The following RAD18 variants were observed in gnomAD, a reference collection of about 807,000 sequenced individuals.
RAD18 encodes the protein E3 ubiquitin-protein ligase RAD18.
RAD18 carries 47 observed loss-of-function variants against 60.4 expected under a neutral mutation model. The observed-to-expected ratio is 0.78, with a 90% CI of 0.62 to 0.99. The LOEUF is 0.99. Among genes scored for constraint, RAD18 ranks in the 50% least tolerant of loss-of-function variants. The pLI is 0.00. For missense variants in RAD18, 640 were observed against 593.3 expected (o/e 1.08, Z -0.82); for synonymous variants, 225 against 195.5 (o/e 1.15, Z -1.26).
intron 7 of RAD18, among the ~76,000 whole-genome samples, chr3:8,928,022 C>T (rs1940474797): frequency 6.9e-6 from 1 of 145,640 alleles, no homozygotes; most frequent in African/African-American, 2.6e-5. Context: ...AACAAACCTG[C>T]ACGTTGTGCA....
At chr3:8,884,616 A>G (rs1005461132) in intron 12 of RAD18, among the ~76,000 whole-genome samples, 1 of 93,642 alleles carries the variant, frequency 1.1e-5, no homozygotes, top group Non-Finnish European at 2.7e-5. Flanking sequence ...ATCCTTTAAC[A>G]ATTTTCAGTA....
At chr3:8,941,826 C>A (rs766755433) in intron 4 of RAD18, 22 bp from the exon 5 acceptor site, 1 of 1,567,426 alleles carries the variant, frequency 6.4e-7, no homozygotes, top group Admixed American at 1.8e-5. Flanking sequence ...AAGAACACAA[C>A]AGACAATTAA....
intron 4 of RAD18, among the ~76,000 whole-genome samples, chr3:8,942,029 G>A (rs1322910349): frequency 6.6e-6 from 1 of 152,060 alleles, no homozygotes; most frequent in South Asian, 2.1e-4. Flanking sequence ...TCAGCTTTAG[G>A]CCACAGAGAA....
chr3:8,936,699 A>C (rs543168106), intron 6 of RAD18, among the ~76,000 whole-genome samples: 1 of 152,342 alleles, frequency 6.6e-6, no homozygotes, highest in South Asian at 2.1e-4. Flanking sequence ...TCCAAAAAAC[A>C]AGTTTTTACA....
chr3:8,925,722 T>C (rs1940421240), intron 7 of RAD18, among the ~76,000 whole-genome samples: 1 of 152,168 alleles, frequency 6.6e-6, no homozygotes, highest in African/African-American at 2.4e-5. Context: ...CATGATCAAG[T>C]GGGCTTCATC....
At chr3:8,946,161 G>A (rs1940836286) in intron 4 of RAD18, among the ~76,000 whole-genome samples, 1 of 152,106 alleles carries the variant, frequency 6.6e-6, no homozygotes, top group Non-Finnish European at 1.5e-5. Flanking sequence ...CTATAAAGAT[G>A]TACCATTTTT....
rs189587907 is a variant in RAD18, at chr3:8,925,238, G to A, written c.889+10633C>T. Among the ~76,000 whole-genome samples the A allele has an allele frequency of 9.9e-5, 15 of 152,058 alleles. No individual in the cohort carries two copies. The East Asian group carries it at 1.5e-3, about 16-fold the overall frequency. On this transcript the variant is annotated intron_variant, in intron 7 of 12. Transcript: ENST00000264926. The stretch of plus-strand genomic sequence containing the variant: ...AAATGATAAAGGGGATATCACCACC[G>A]ATCCCACAGAAATACAAATTACCAT...
chr3:8,935,117 G>T (rs554083511), intron 7 of RAD18, among the ~76,000 whole-genome samples: 1 of 152,290 alleles, frequency 6.6e-6, no homozygotes, highest in East Asian at 1.9e-4. Context: ...CTCAGTACTG[G>T]CTACAATGAC....
chr3:8,932,470 C>A (rs1049646192), intron 7 of RAD18, among the ~76,000 whole-genome samples: 5 of 152,194 alleles, frequency 3.3e-5, no homozygotes, highest in Non-Finnish European at 7.3e-5. Flanking sequence ...ACCACTACTA[C>A]ACATTGACTA....
intron 5 of RAD18, 118 bp downstream of exon 5, chr3:8,941,349 T>C (rs1269430858): frequency 3.4e-6 from 3 of 872,872 alleles, no homozygotes; most frequent in African/African-American, 1.7e-5. Flanking sequence ...GTTTGTGATA[T>C]GGTAAAATCT....
At chr3:8,930,664 G>A (rs928258475) in intron 7 of RAD18, among the ~76,000 whole-genome samples, 1 of 152,080 alleles carries the variant, frequency 6.6e-6, no homozygotes, top group African/African-American at 2.4e-5. Flanking sequence ...ATAAGGAAAT[G>A]ACAATTCAAC....
Position 8,913,630 on chromosome 3 carries a change from G to C in RAD18, c.966+14C>G. ...TCATTTCTATCCATATACTGAAATA[G>C]CCCATTAACATACACTTTCATTGAG... On this transcript the variant is annotated intron_variant, in intron 8 of 12. Transcript: ENST00000264926. 1 of 1,487,680 alleles carries C rather than the reference G, an allele frequency of 6.7e-7. No homozygotes were observed. Among genetic ancestry groups the C allele is most frequent in the Admixed American group, 2.3e-5 (1 of 43,556 alleles). 92.2% of individuals were successfully genotyped at this position (1,487,680 alleles called of 1,614,324 possible).
intron 9 of RAD18, among the ~76,000 whole-genome samples, chr3:8,907,947 G>A (rs1017268147): frequency 6.6e-6 from 1 of 152,152 alleles, no homozygotes; most frequent in Non-Finnish European, 1.5e-5. Context: ...TGCAAGGAGT[G>A]GCCAGCAGTG....
Position 8,913,628 on chromosome 3 carries a change from T to A in RAD18, c.966+16A>T. On this transcript the variant is annotated intron_variant, in intron 8 of 12. Coordinates refer to ENST00000264926, the MANE Select transcript of RAD18 (RefSeq NM_020165.4). ...CTTCATTTCTATCCATATACTGAAA[T>A]AGCCCATTAACATACACTTTCATTG... The A allele has an allele frequency of 6.8e-7, 1 of 1,480,744 alleles. No individual in the cohort carries two copies. Among genetic ancestry groups the A allele is most frequent in the Non-Finnish European group, 9.1e-7 (1 of 1,099,026 alleles). 91.7% of individuals were successfully genotyped at this position (1,480,744 alleles called of 1,614,324 possible). A position where few individuals can be genotyped will look rare whatever the true frequency, so the allele number is the denominator to read the frequency against.
At chr3:8,936,298 G>T (rs928451409) in intron 6 of RAD18, among the ~76,000 whole-genome samples, 2 of 152,110 alleles carry the variant, frequency 1.3e-5, no homozygotes, top group Non-Finnish European at 2.9e-5. Context: ...AGAGACTTGG[G>T]TCTCAAAAAG....
chr3:8,915,446 T>C (rs966547277), intron 7 of RAD18, among the ~76,000 whole-genome samples: 7 of 152,110 alleles, frequency 4.6e-5, no homozygotes, highest in African/African-American at 1.7e-4. Context: ...GAAAAATTGG[T>C]ACCACCCTAT....
chr3:8,935,697 G>A (rs1038922526), intron 7 of RAD18, among the ~76,000 whole-genome samples, 174 bp downstream of exon 7: 1 of 152,182 alleles, frequency 6.6e-6, no homozygotes, highest in Non-Finnish European at 1.5e-5. Flanking sequence ...CAGGCTGAGA[G>A]GAAGGCTGGC....
intron 12 of RAD18, among the ~76,000 whole-genome samples, chr3:8,881,946 TAAG>T (rs1363974961): frequency 1.3e-5 from 2 of 152,192 alleles, no homozygotes; most frequent in Non-Finnish European, 2.9e-5. Flanking sequence ...TACAAACAGG[TAAG>T]AAGAATCAGC....
intron 10 of RAD18, among the ~76,000 whole-genome samples, chr3:8,900,921 G>A (rs1404049070): frequency 6.6e-6 from 1 of 152,120 alleles, no homozygotes; most frequent in Non-Finnish European, 1.5e-5. Context: ...ATTCAAGAGA[G>A]GTTCAACTAA....
Sources: gnomAD v4.1 joint callset for allele counts (sites outside exome capture counted in the v4.1 genomes callset) on GRCh38, gnomAD v4.1.1 for gene constraint, MANE v1.5 for transcripts, NCBI Gene and HGNC (gene_info 2026-07-23, HGNC 2026-07-21) for gene names.